Variants in ABCA12 observed in about 807,000 individuals in gnomAD.
ABCA12 encodes the protein ATP binding cassette subfamily A member 12, also known as glucosylceramide transporter ABCA12.
In ABCA12, 156 loss-of-function variants were observed where a neutral mutation model predicts 293.5. That is an observed-to-expected ratio of 0.53 (90% CI 0.47 to 0.61). The LOEUF (loss-of-function observed/expected upper bound fraction) is 0.61. Among genes scored for constraint, ABCA12 ranks in the 20% least tolerant of loss-of-function variants. The pLI, the probability that ABCA12 is intolerant of heterozygous loss-of-function variation, is 0.00. For missense variants in ABCA12, 2,797 were observed against 3,090.2 expected, an observed-to-expected ratio of 0.91 and a Z score of 2.25; for synonymous variants, 1,063 against 1,108.0, an observed-to-expected ratio of 0.96 and a Z score of 0.81.
chr2:215,027,080 C>A lies in ABCA12; in HGVS notation c.1062-142G>T, dbSNP rs983049136. The A allele has an allele frequency of 6.3e-6, 4 of 636,882 alleles. No individual in the cohort carries two copies. In the African/African-American group the frequency reaches 7.3e-5, roughly 12 times the overall value. The allele number at this position is 636,882 out of a possible 1,614,324, so 39.5% of individuals were successfully genotyped here. On this transcript the variant is annotated intron_variant, in intron 9 of 52. Coordinates refer to ENST00000272895, the MANE Select transcript of ABCA12 (RefSeq NM_173076.3). ...ATGCAGTTGGCCGGGCGCGGTGGCT[C>A]ACGCCTGTAATCCTAGCACTTCGGG...
At chr2:214,942,327 C>T (rs965596843) in intron 50 of ABCA12, among the ~76,000 whole-genome samples, 7 of 152,112 alleles carry the variant, frequency 4.6e-5, no homozygotes, top group East Asian at 1.9e-4. Context: ...AGAAAGTCAA[C>T]TTGTTATACA....
intron 48 of ABCA12, among the ~76,000 whole-genome samples, chr2:214,945,651 A>G (rs1255381195): frequency 3.3e-5 from 5 of 152,250 alleles, no homozygotes; most frequent in Non-Finnish European, 7.3e-5. Context: ...TATTTTTCAA[A>G]GTAAATGATG....
intron 8 of ABCA12, among the ~76,000 whole-genome samples, chr2:215,035,256 G>T (rs1031613347): frequency 6.6e-6 from 1 of 152,184 alleles, no homozygotes; most frequent in Non-Finnish European, 1.5e-5. Flanking sequence ...TTGGCTTGAT[G>T]AACTCACAGT....
intron 48 of ABCA12, among the ~76,000 whole-genome samples, chr2:214,946,707 G>A (rs1698593413): frequency 6.6e-6 from 1 of 152,030 alleles, no homozygotes. Flanking sequence ...TTGAATGAAC[G>A]GGATTTTCCA....
At chr2:215,021,376 A>T (rs900391870) in intron 11 of ABCA12, among the ~76,000 whole-genome samples, 9 of 152,214 alleles carry the variant, frequency 5.9e-5, no homozygotes, top group Non-Finnish European at 8.8e-5. Context: ...GGGTTTAAAA[A>T]TCCCACACCC....
At chr2:215,114,194 T>G (rs183714218) in intron 1 of ABCA12, among the ~76,000 whole-genome samples, 3 of 152,200 alleles carry the variant, frequency 2.0e-5, no homozygotes, top group Non-Finnish European at 4.4e-5. Flanking sequence ...AGGATGGTCT[T>G]GATCTCTTGA....
At chr2:215,085,349 T>C (rs1378567964) in intron 2 of ABCA12, 2 of 152,202 alleles carry the variant, frequency 1.3e-5, no homozygotes, top group Non-Finnish European at 2.9e-5. Flanking sequence ...TGTGTGGTGT[T>C]AGCCCAGGCC....
chr2:214,950,799 C>T (rs868006452), intron 45 of ABCA12, 80 bp downstream of exon 45: 9 of 1,486,444 alleles, frequency 6.1e-6, no homozygotes, highest in Admixed American at 1.7e-5. Context: ...GCCACTGTAC[C>T]TGGCCAATAA....
In ABCA12 at chr2:215,012,078, T is replaced by G. The variant is rs748844142; in HGVS notation, c.2014A>C (p.Arg672=). The G allele has an allele frequency of 1.9e-6, 3 of 1,613,870 alleles. No homozygotes were observed. Among genetic ancestry groups the G allele is most frequent in the Non-Finnish European group, 1.7e-6 (2 of 1,179,890 alleles). The change falls in exon 16 of 53, where the codon AGA becomes CGA. Residue 672 remains arginine, a synonymous_variant. Transcript: ENST00000272895. ...ATCTGATTGAGAATCTCTTTTAGTC[T>G]TATGAAGAGCTCCATCATCTTTTCT... ...PVEKMMELFI[R]LKEILNQMAS...
chr2:215,096,692 T>A (rs1048613359), intron 2 of ABCA12, among the ~76,000 whole-genome samples: 1 of 152,230 alleles, frequency 6.6e-6, no homozygotes, highest in African/African-American at 2.4e-5. Context: ...TTTTATATTA[T>A]AATTTCAATA....
chr2:214,950,379 T>TCG (rs1249330160), intron 45 of ABCA12, among the ~76,000 whole-genome samples: 1 of 78,218 alleles, frequency 1.3e-5, no homozygotes, highest in African/African-American at 4.1e-5. Flanking sequence ...TGTGTATATA[T>TCG]ATATCTGTGT....
At position 214,986,672 on chromosome 2, in the gene ABCA12, C is replaced by T. The variant is rs745333434; in HGVS notation, c.4033G>A (p.Gly1345Arg). The T allele has an allele frequency of 5.6e-6, 9 of 1,613,892 alleles. No individual in the cohort carries two copies. The highest frequency in any genetic ancestry group is 2.2e-5 in the East Asian group (1 of 44,890). The part of the protein sequence containing the change: ...IEPEPKDLTV[G>R]VALHGVTKIY... ...TTTGTGACCCCATGCAGGGCAACCC[C>T]GACTGTGAGATCTTTAGGTTCAGGC... The change falls in exon 28 of 53, where the codon GGG becomes AGG. Residue 1345 changes from glycine to arginine, a missense_variant. This residue lies in a region of ABCA12 where 2,130 missense variants were observed against 2,427.0 expected (regional missense o/e 0.88). Coordinates refer to ENST00000272895, the MANE Select transcript of ABCA12 (RefSeq NM_173076.3).
At chr2:214,995,067 A>C (rs1049669940) in intron 23 of ABCA12, among the ~76,000 whole-genome samples, 7 of 152,226 alleles carry the variant, frequency 4.6e-5, no homozygotes, top group Admixed American at 1.3e-4. Flanking sequence ...AACCCAATCG[A>C]AAGGCATTTT....
intron 2 of ABCA12, among the ~76,000 whole-genome samples, chr2:215,089,532 G>T (rs1336370156): frequency 6.6e-6 from 1 of 152,180 alleles, no homozygotes; most frequent in African/African-American, 2.4e-5. Context: ...GCAGGGAGCA[G>T]AATTCTTTCA....
Position 214,955,351 on chromosome 2 carries a change from A to G in ABCA12, c.6244T>C (p.Phe2082Leu), listed in dbSNP as rs756829602. Reference protein sequence around the residue: ...LLLLLFGYATFSWMYLLAGLF... With the variant: ...LLLLLFGYATLSWMYLLAGLF... ...CCAGCCAGCAAGTACATCCAGGAAA[A>G]TGTTGCATACCTGCAGGTTAAAAAC... The change falls in exon 43 of 53, where the codon TTT becomes CTT. Residue 2082 changes from phenylalanine to leucine, a missense_variant. By Grantham distance (22) the Phe-to-Leu change is conservative. This residue lies in a region of ABCA12 where 2,130 missense variants were observed against 2,427.0 expected (regional missense o/e 0.88). Coordinates refer to ENST00000272895, the MANE Select transcript of ABCA12 (RefSeq NM_173076.3). 2 of 1,614,066 alleles carry G rather than the reference A, an allele frequency of 1.2e-6. No homozygotes were observed. Among genetic ancestry groups the G allele is most frequent in the South Asian group, 2.2e-5 (2 of 91,082 alleles).
At chr2:214,969,921 G>A (rs1038073395) in intron 37 of ABCA12, among the ~76,000 whole-genome samples, 1 of 151,832 alleles carries the variant, frequency 6.6e-6, no homozygotes, top group Non-Finnish European at 1.5e-5. Context: ...TAAGTTTTGA[G>A]ATATTCATAT....
At chr2:214,973,795 GTAT>G (rs1699443304) in intron 36 of ABCA12, among the ~76,000 whole-genome samples, 151 bp downstream of exon 36, 2 of 152,170 alleles carry the variant, frequency 1.3e-5, no homozygotes, top group Non-Finnish European at 2.9e-5. Flanking sequence ...TTCAAAGTCA[GTAT>G]TTTTTGAGCT....
chr2:215,038,075 G>T (rs1209133577), intron 7 of ABCA12, among the ~76,000 whole-genome samples: 1 of 152,060 alleles, frequency 6.6e-6, no homozygotes, highest in Non-Finnish European at 1.5e-5. Context: ...TTAAGATGAT[G>T]TTAATTTTAG....
chr2:215,039,762 AT>A (rs1701061368), intron 7 of ABCA12, among the ~76,000 whole-genome samples: 1 of 128,960 alleles, frequency 7.8e-6, no homozygotes, highest in African/African-American at 4.5e-5. Context: ...CTCACAAAAA[AT>A]AAATAAATAA....
Sources: allele counts gnomAD v4.1 joint callset (sites outside exome capture counted in the v4.1 genomes callset), GRCh38; gene constraint gnomAD v4.1.1; regional missense constraint gnomAD v4.1.1; transcripts MANE v1.5; gene names NCBI Gene and HGNC (gene_info 2026-07-23, HGNC 2026-07-21).